MICAL2: variants seen among roughly 807,000 people sequenced by gnomAD.
The protein encoded by MICAL2 is [F-actin]-monooxygenase MICAL2.
Under a neutral mutation model 127.3 loss-of-function variants are expected in MICAL2, and 77 were observed. That is an observed-to-expected ratio of 0.60 (90% CI 0.50 to 0.73). The LOEUF (loss-of-function observed/expected upper bound fraction) is 0.73, where lower values mean the gene tolerates loss of function less well. Ranked by LOEUF, MICAL2 falls within the 30% of genes least tolerant of loss-of-function variation. The pLI is 0.00. For synonymous variants in MICAL2, 570 were observed against 551.1 expected, an observed-to-expected ratio of 1.03 and a Z score of -0.48; for missense variants, 1,351 against 1,434.4, an observed-to-expected ratio of 0.94 and a Z score of 0.94.
intron 33 of MICAL2, among the ~76,000 whole-genome samples, chr11:12,352,163 C>G (rs570960252): frequency 6.6e-6 from 1 of 152,316 alleles, no homozygotes; most frequent in Non-Finnish European, 1.5e-5. Context: ...TACCTGACTA[C>G]AAAGCCCTTT....
intron 29 of MICAL2, among the ~76,000 whole-genome samples, chr11:12,300,124 G>A (rs1045310346): frequency 9.2e-5 from 14 of 152,048 alleles, no homozygotes; most frequent in South Asian, 4.2e-4. Flanking sequence ...GCAAAACCAC[G>A]TCTCTACTAA....
chr11:12,189,293 GT>G (rs1352287915), intron 3 of MICAL2, among the ~76,000 whole-genome samples: 1 of 151,826 alleles, frequency 6.6e-6, no homozygotes, highest in Non-Finnish European at 1.5e-5. Context: ...GAACCTTGAT[GT>G]TTTTTTTGTT....
exon 35 of MICAL2, chr11:12,358,398 A>G: frequency 3.7e-6 from 6 of 1,614,222 alleles, no homozygotes; most frequent in Non-Finnish European, 5.1e-6. Flanking sequence ...CCTTAGAGGA[A>G]CAACGCATCA....
At chr11:12,356,873 T>C (rs946162678) in intron 34 of MICAL2, among the ~76,000 whole-genome samples, 5 of 152,238 alleles carry the variant, frequency 3.3e-5, no homozygotes, top group African/African-American at 1.2e-4. Flanking sequence ...AGTACTGTCT[T>C]ATGTTTATAC....
chr11:12,142,161 C>T (rs1227548839), intron 2 of MICAL2, among the ~76,000 whole-genome samples: 1 of 152,162 alleles, frequency 6.6e-6, no homozygotes, highest in Non-Finnish European at 1.5e-5. Flanking sequence ...TCTCCTCCAC[C>T]CTGCACTTGA....
At chr11:12,298,928 C>T (rs1361430939) in intron 29 of MICAL2, among the ~76,000 whole-genome samples, 2 of 152,130 alleles carry the variant, frequency 1.3e-5, no homozygotes, top group Non-Finnish European at 2.9e-5. Flanking sequence ...ATTTATTTAA[C>T]ATTTTTGCAT....
intron 1 of MICAL2, among the ~76,000 whole-genome samples, chr11:12,133,620 G>GAA (rs57094544): frequency 7.1e-6 from 1 of 140,180 alleles, no homozygotes; most frequent in Non-Finnish European, 1.6e-5. Context: ...AGGTGACTGA[G>GAA]AAAAAAAAAA....
intron 32 of MICAL2, among the ~76,000 whole-genome samples, chr11:12,343,585 A>G (rs1267546616): frequency 6.6e-6 from 1 of 152,174 alleles, no homozygotes; most frequent in African/African-American, 2.4e-5. Context: ...GACTGAAAAA[A>G]TGACATGTAA....
At position 12,221,739 on chromosome 11, in the gene MICAL2, C is replaced by T; in HGVS notation, c.1302C>T (p.Pro434=). Residue 434 remains proline (P), a synonymous_variant, in exon 10 of 28, where the codon CCC becomes CCT. Transcript: ENST00000683283. ...AGAGCTGGAACCAGGGCACCCCTCC[C>T]CTGGAGCTGCTGGCTGAAAGGTGAG... The part of the protein sequence containing the change: ...MVKSWNQGTP[P]LELLAERESL... 1.2e-6 allele frequency: 2 copies of T among 1,613,578 alleles called. No homozygotes were observed. The highest frequency in any genetic ancestry group is 1.7e-6 in the Non-Finnish European group (2 of 1,179,822).
Position 12,259,864 on chromosome 11 carries a change from G to A in MICAL2, c.3301G>A (p.Ala1101Thr), listed in dbSNP as rs754092387. 10 of 1,609,848 alleles carry A rather than the reference G, an allele frequency of 6.2e-6. No individual in the cohort carries two copies. In the South Asian group the frequency reaches 9.9e-5, roughly 16 times the overall value. The change falls in exon 26 of 28, where the codon GCC (alanine) becomes ACC (threonine). Residue 1101 changes from alanine to threonine, a missense_variant. Ala to Thr is a moderately conservative substitution (Grantham distance 58). Around this residue, in one of 2 missense-constraint regions of MICAL2, gnomAD observed 752 missense variants for 719.4 expected, o/e 1.05. Transcript: ENST00000683283. Reference protein sequence around the residue: ...DTPTESSCAVAAIGTLEGSPP... With the variant: ...DTPTESSCAVTAIGTLEGSPP... The stretch of plus-strand genomic sequence containing the variant: ...TCCCACCGAAAGTTCTTGCGCAGTG[G>A]CCGCCATTGGCACCCTGGAAGGCAG...
intron 3 of MICAL2, among the ~76,000 whole-genome samples, chr11:12,192,393 C>CTGCTTGAAA (rs1291517466): frequency 6.6e-6 from 1 of 152,198 alleles, no homozygotes; most frequent in Non-Finnish European, 1.5e-5. Flanking sequence ...CAGCCTTGAA[C>CTGCTTGAAA]TGCTGGGATC....
intron 29 of MICAL2, chr11:12,319,562 C>T (rs1302552396): frequency 9.3e-6 from 6 of 643,154 alleles, no homozygotes; most frequent in Non-Finnish European, 1.4e-5. Context: ...GCCTCATGCT[C>T]ACGGCAGGTG....
At chr11:12,129,647 T>TC (rs1457550889) in intron 1 of MICAL2, among the ~76,000 whole-genome samples, 88 of 150,334 alleles carry the variant, frequency 5.9e-4, no homozygotes, top group Non-Finnish European at 9.2e-4. Context: ...TTTTTTTTTT[T>TC]TTTTTTTTGG....
At chr11:12,182,260 C>T (rs941510066) in intron 3 of MICAL2, among the ~76,000 whole-genome samples, 2 of 152,032 alleles carry the variant, frequency 1.3e-5, no homozygotes, top group Non-Finnish European at 1.5e-5. Context: ...GTTAAGGACC[C>T]CTGTTCTGAT....
chr11:12,305,303 C>T (rs1464549349), intron 29 of MICAL2, among the ~76,000 whole-genome samples: 1 of 152,104 alleles, frequency 6.6e-6, no homozygotes, highest in Non-Finnish European at 1.5e-5. Flanking sequence ...AGCGGGAAGA[C>T]CCCCTTATAT....
At chr11:12,226,801 T>C (rs910220846) in intron 14 of MICAL2, among the ~76,000 whole-genome samples, 6 of 152,020 alleles carry the variant, frequency 3.9e-5, no homozygotes, top group African/African-American at 7.2e-5. Flanking sequence ...TACAGGTGCC[T>C]ACCACCACGT....
chr11:12,136,991 T>A (rs1427842255), intron 1 of MICAL2, among the ~76,000 whole-genome samples: 1 of 152,198 alleles, frequency 6.6e-6, no homozygotes, highest in Non-Finnish European at 1.5e-5. Flanking sequence ...ATGATGGAAT[T>A]CTGTACCAGG....
At chr11:12,216,714 T>C (rs1024458545) in intron 8 of MICAL2, among the ~76,000 whole-genome samples, 1 of 152,258 alleles carries the variant, frequency 6.6e-6, no homozygotes, top group African/African-American at 2.4e-5. Flanking sequence ...TGTGGAGCCT[T>C]GTCACAGTGT....
intron 32 of MICAL2, among the ~76,000 whole-genome samples, chr11:12,332,249 A>G (rs1938651397): frequency 6.6e-6 from 1 of 152,212 alleles, no homozygotes; most frequent in African/African-American, 2.4e-5. Flanking sequence ...GAAGGCAGTG[A>G]GTTAAAGGTT....
Sources: gnomAD v4.1 joint callset for allele counts (sites outside exome capture counted in the v4.1 genomes callset) on GRCh38, gnomAD v4.1.1 for gene constraint, gnomAD v4.1.1 regional missense constraint, MANE v1.5 for transcripts, NCBI Gene and HGNC (gene_info 2026-07-23, HGNC 2026-07-21) for gene names.